LEF1: variants seen among roughly 807,000 people sequenced by gnomAD.
LEF1 encodes lymphoid enhancer binding factor 1, also known as lymphoid enhancer-binding factor 1.
In LEF1, 14 loss-of-function variants were observed where a neutral mutation model predicts 51.2. The ratio of observed to expected loss-of-function variants is 0.27; its 90% CI spans 0.18 to 0.43. LEF1 has a LOEUF of 0.43. LEF1 is among the 20% of genes least tolerant of loss of function. The pLI, the probability that LEF1 is intolerant of heterozygous loss-of-function variation, is 1.00. For synonymous variants in LEF1, 185 were observed against 183.2 expected, an observed-to-expected ratio of 1.01 and a Z score of -0.08; for missense variants, 386 against 512.0, an observed-to-expected ratio of 0.75 and a Z score of 2.37.
chr4:108,074,900 G>C (rs1485351747), intron 8 of LEF1, among the ~76,000 whole-genome samples: 1 of 152,236 alleles, frequency 6.6e-6, no homozygotes, highest in Non-Finnish European at 1.5e-5. Flanking sequence ...CAGCAGGAAA[G>C]TAATTCCCAC....
chr4:108,143,821 C>T (rs1743827397), intron 3 of LEF1, among the ~76,000 whole-genome samples: 1 of 152,172 alleles, frequency 6.6e-6, no homozygotes, highest in Non-Finnish European at 1.5e-5. Flanking sequence ...TATGGAATCT[C>T]AGTAGCCCCC....
At chr4:108,111,938 A>G (rs1167427215) in intron 3 of LEF1, among the ~76,000 whole-genome samples, 1 of 152,202 alleles carries the variant, frequency 6.6e-6, no homozygotes, top group African/African-American at 2.4e-5. Context: ...ACATACAAAA[A>G]AAGTGGCAGC....
At chr4:108,123,459 T>A (rs1227844589) in intron 3 of LEF1, among the ~76,000 whole-genome samples, 10 of 93,254 alleles carry the variant, frequency 1.1e-4, no homozygotes, top group African/African-American at 1.6e-4. Context: ...TTTTTTTTTT[T>A]AAACCTATTA....
chr4:108,048,159 A>G lies in LEF1; in HGVS notation c.*599T>C, dbSNP rs1403333349. On this transcript the variant is annotated 3_prime_UTR_variant, in exon 12 of 12. Transcript: ENST00000265165. ...CAAAATATACAAGAAAATTAAAACTAAAAAGTGTAAATTAAAAAAATTCAA... is the reference window on the plus strand; with the variant it reads ...CAAAATATACAAGAAAATTAAAACTGAAAAGTGTAAATTAAAAAAATTCAA... The G allele has an allele frequency of 6.6e-6, 1 of 152,660 alleles. No homozygotes were observed. Among genetic ancestry groups the G allele is most frequent in the East Asian group, 1.9e-4 (1 of 5,204 alleles). 9.5% of individuals were successfully genotyped at this position (152,660 alleles called of 1,614,324 possible).
chr4:108,157,444 T>G (rs993451119), intron 3 of LEF1, among the ~76,000 whole-genome samples: 2 of 152,132 alleles, frequency 1.3e-5, no homozygotes, highest in African/African-American at 4.8e-5. Flanking sequence ...TCCACCTGCC[T>G]CGAGCAATAG....
intron 3 of LEF1, among the ~76,000 whole-genome samples, chr4:108,137,210 G>C (rs908787020): frequency 6.6e-6 from 1 of 152,120 alleles, no homozygotes; most frequent in African/African-American, 2.4e-5. Context: ...TATTAAAACA[G>C]AAAGTCTATT....
intron 3 of LEF1, among the ~76,000 whole-genome samples, chr4:108,153,428 C>T (rs946285658): frequency 6.6e-5 from 10 of 152,186 alleles, no homozygotes; most frequent in African/African-American, 2.4e-4. Flanking sequence ...TACTGTCTGG[C>T]CTTATTAATA....
At chr4:108,140,302 T>C (rs754208821) in intron 3 of LEF1, among the ~76,000 whole-genome samples, 3 of 152,192 alleles carry the variant, frequency 2.0e-5, no homozygotes, top group African/African-American at 4.8e-5. Flanking sequence ...CTAAAACTTT[T>C]TGATAAGATA....
At chr4:108,099,556 ATG>A (rs1245005290) in intron 3 of LEF1, among the ~76,000 whole-genome samples, 3,844 of 49,628 alleles carry the variant, frequency 0.077, 582 homozygotes, top group Middle Eastern at 0.19. Context: ...GTGTGTGTGT[ATG>A]TGTGTGTGTG....
At chr4:108,082,589 A>C (rs1197016298) in intron 5 of LEF1, among the ~76,000 whole-genome samples, 1 of 152,164 alleles carries the variant, frequency 6.6e-6, no homozygotes, top group Non-Finnish European at 1.5e-5. Context: ...GCTTGAGTTG[A>C]GAATTATTTC....
At chr4:108,166,234 TG>T in intron 1 of LEF1, 1 of 1,533,952 alleles carries the variant, frequency 6.5e-7, no homozygotes, top group Non-Finnish European at 8.7e-7. Context: ...TTCTGTTCTC[TG>T]AACGCAGGCC....
rs1160026822 is a variant in LEF1 at position 108,135,598 on chromosome 4, T to G, written c.414+27970A>C. Among the ~76,000 whole-genome samples, 2 of 152,174 alleles carry G rather than the reference T, an allele frequency of 1.3e-5. 1 individual carries two copies. The highest frequency in any genetic ancestry group is 4.2e-4 in the South Asian group (2 of 4,816). On this transcript the variant is annotated intron_variant, in intron 3 of 11. Coordinates refer to ENST00000265165, the MANE Select transcript of LEF1 (RefSeq NM_016269.5). ...CCCAGGAGAGGTACAGTGCTGTGTC[T>G]GCTAGCCGGCAAGAACAGGGGCCTC...
intron 7 of LEF1, among the ~76,000 whole-genome samples, chr4:108,078,754 A>G (rs1560773835): frequency 6.6e-6 from 1 of 152,204 alleles, no homozygotes. Flanking sequence ...AGCTGAACAC[A>G]CAGCACAGGT....
intron 3 of LEF1, among the ~76,000 whole-genome samples, chr4:108,115,905 C>T (rs1025615798): frequency 4.0e-5 from 6 of 148,570 alleles, no homozygotes; most frequent in African/African-American, 1.6e-4. Context: ...GGCAGGCCTG[C>T]GGTCTGAAGG....
chr4:108,138,529 G>A (rs956409633), intron 3 of LEF1, among the ~76,000 whole-genome samples: 23 of 110,024 alleles, frequency 2.1e-4, no homozygotes, highest in Middle Eastern at 5.5e-3. Flanking sequence ...ACACACACAC[G>A]AGTATGCCTG....
intron 3 of LEF1, among the ~76,000 whole-genome samples, chr4:108,096,887 G>A (rs1740426502): frequency 6.6e-6 from 1 of 152,140 alleles, no homozygotes; most frequent in Non-Finnish European, 1.5e-5. Flanking sequence ...AAACTACCAC[G>A]TGACATCATC....
chr4:108,078,431 G>A (rs771231300), intron 7 of LEF1, 49 bp from the exon 8 acceptor site: 1 of 1,612,068 alleles, frequency 6.2e-7, no homozygotes, highest in Non-Finnish European at 8.5e-7. Context: ...GAAGGAATGA[G>A]GAAGGGATGG....
intron 3 of LEF1, among the ~76,000 whole-genome samples, chr4:108,155,406 A>C (rs1181126465): frequency 6.6e-6 from 1 of 152,240 alleles, no homozygotes; most frequent in Non-Finnish European, 1.5e-5. Flanking sequence ...ATCTGTAAAA[A>C]TACGATGACA....
chr4:108,052,032 C>T (rs1053892497), intron 11 of LEF1, among the ~76,000 whole-genome samples: 1 of 152,160 alleles, frequency 6.6e-6, no homozygotes, highest in South Asian at 2.1e-4. Flanking sequence ...TTGGCCAGCT[C>T]ATGTCCTGGG....
Sources: allele counts gnomAD v4.1 joint callset (sites outside exome capture counted in the v4.1 genomes callset), GRCh38; gene constraint gnomAD v4.1.1; transcripts MANE v1.5; gene names NCBI Gene and HGNC (gene_info 2026-07-23, HGNC 2026-07-21).